Variants in NHLRC2 observed in about 807,000 individuals in gnomAD.
The protein encoded by NHLRC2 is NHL repeat containing 2.
NHLRC2 carries 33 observed loss-of-function variants against 68.1 expected under a neutral mutation model. That is an observed-to-expected ratio of 0.48 (90% CI 0.37 to 0.65). The LOEUF (loss-of-function observed/expected upper bound fraction) is 0.65. NHLRC2 is among the 30% of genes least tolerant of loss of function. NHLRC2 has a pLI of 0.00. For missense variants in NHLRC2, 761 were observed against 853.8 expected (o/e 0.89, Z 1.35); for synonymous variants, 311 against 309.6 (o/e 1.00, Z -0.05).
At chr10:113,902,421 T>A in intron 7 of NHLRC2, 50 bp from the exon 8 acceptor site, 9 of 1,254,826 alleles carry the variant, frequency 7.2e-6, no homozygotes, top group Non-Finnish European at 1.0e-5. Flanking sequence ...AACAAAACAC[T>A]GTAAAAATTA....
At position 113,912,613 on chromosome 10, in the gene NHLRC2, CA is replaced by C. The variant is rs1589551952; in HGVS notation, c.*4082del. The stretch of plus-strand genomic sequence containing the variant: ...TGCACCAGAGTACTTATATCTTAAC[CA>C]AAAAGTTTCACTTCAATGGTGGTGC... On this transcript the variant is annotated 3_prime_UTR_variant, in exon 11 of 11. Transcript: ENST00000369301. The C allele has an allele frequency of 6.6e-6, 1 of 152,146 alleles. No homozygotes were observed. Among genetic ancestry groups the C allele is most frequent in the African/African-American group, 2.4e-5 (1 of 41,440 alleles). The allele number at this position is 152,146 out of a possible 1,614,324, so 9.4% of individuals were successfully genotyped here.
intron 1 of NHLRC2, among the ~76,000 whole-genome samples, chr10:113,857,229 A>T (rs1183819260): frequency 6.6e-6 from 1 of 152,144 alleles, no homozygotes; most frequent in East Asian, 1.9e-4. Context: ...ATACCCCCTG[A>T]TCTAAGCCAC....
intron 6 of NHLRC2, among the ~76,000 whole-genome samples, chr10:113,899,765 A>G (rs1846212178): frequency 6.6e-6 from 1 of 151,944 alleles, no homozygotes. Context: ...AAAAATAGAA[A>G]AAGTTAGCTG....
intron 5 of NHLRC2, among the ~76,000 whole-genome samples, chr10:113,895,122 T>G (rs995592859): frequency 2.0e-5 from 3 of 152,240 alleles, no homozygotes; most frequent in African/African-American, 7.2e-5. Context: ...TTTGAGAGGA[T>G]AATAGTACAG....
intron 4 of NHLRC2, among the ~76,000 whole-genome samples, chr10:113,881,821 C>T (rs1451173142): frequency 6.6e-6 from 1 of 151,678 alleles, no homozygotes; most frequent in African/African-American, 2.4e-5. Context: ...CATTTCATCC[C>T]CCAAGTAAGA....
rs185904945 is a variant in NHLRC2, at chr10:113,878,117, T to C, written c.787+1141T>C. Among the ~76,000 whole-genome samples, 34 of 152,334 alleles carry C rather than the reference T, an allele frequency of 2.2e-4. No individual in the cohort carries two copies. In the East Asian group the frequency reaches 4.6e-3, roughly 21 times the overall value. ...CTTTAATTTTTAAAAAAGAATTCTT[T>C]GGTCAGATACACTCAGGAAACACTT... On this transcript the variant is annotated intron_variant, in intron 3 of 10. Coordinates refer to ENST00000369301, the MANE Select transcript of NHLRC2 (RefSeq NM_198514.4).
rs536859101 is a variant in NHLRC2 at position 113,870,188 on chromosome 10, A to G, written c.332-6333A>G. ...TGTTATTCATCTAAAGTATCGTTAG[A>G]TTTATTTTTTTCTATTTGTATTTCA... On this transcript the variant is annotated intron_variant, in intron 2 of 10. Coordinates refer to ENST00000369301, the MANE Select transcript of NHLRC2 (RefSeq NM_198514.4). 1.4e-4 allele frequency among the ~76,000 whole-genome samples: 22 copies of G among 152,096 alleles called. No individual in the cohort carries two copies. The East Asian group carries it at 4.3e-3, about 29-fold the overall frequency.
chr10:113,900,743 T>C (rs1421440062), intron 6 of NHLRC2, among the ~76,000 whole-genome samples: 2 of 152,202 alleles, frequency 1.3e-5, no homozygotes, highest in African/African-American at 4.8e-5. Context: ...TAAGTGGCCA[T>C]ATTTTATGCG....
At chr10:113,883,103 C>T (rs1251189024) in intron 4 of NHLRC2, among the ~76,000 whole-genome samples, 2 of 151,734 alleles carry the variant, frequency 1.3e-5, no homozygotes, top group Non-Finnish European at 3.0e-5. Flanking sequence ...AGTATAAGTC[C>T]TCCCACTTTC....
intron 5 of NHLRC2, among the ~76,000 whole-genome samples, chr10:113,890,672 A>G (rs1056711268): frequency 6.6e-6 from 1 of 151,322 alleles, no homozygotes; most frequent in Non-Finnish European, 1.5e-5. Context: ...CATTCTTCTT[A>G]TTTTTTCTTT....
At chr10:113,863,151 A>G (rs560254907) in intron 2 of NHLRC2, among the ~76,000 whole-genome samples, 1 of 152,338 alleles carries the variant, frequency 6.6e-6, no homozygotes, top group Non-Finnish European at 1.5e-5. Flanking sequence ...ACTCTCCCCA[A>G]CAAGATAACA....
intron 2 of NHLRC2, among the ~76,000 whole-genome samples, chr10:113,863,045 C>T (rs1845831346): frequency 6.6e-6 from 1 of 152,012 alleles, no homozygotes; most frequent in Admixed American, 6.5e-5. Context: ...CACTTAATAA[C>T]AGACAAAATA....
intron 5 of NHLRC2, among the ~76,000 whole-genome samples, chr10:113,888,321 A>G (rs1006648738): frequency 2.6e-5 from 4 of 152,212 alleles, no homozygotes; most frequent in African/African-American, 9.6e-5. Context: ...CATTTGCACC[A>G]CACAGAAAAA....
chr10:113,862,118 G>A (rs962300849), intron 2 of NHLRC2, among the ~76,000 whole-genome samples: 9 of 151,894 alleles, frequency 5.9e-5, no homozygotes, highest in South Asian at 2.1e-4. Context: ...CACATGATTC[G>A]CCCATCTCAG....
rs1846327230 is a variant in NHLRC2, at chr10:113,911,358, A to G, written c.*2822A>G. On this transcript the variant is annotated 3_prime_UTR_variant, in exon 11 of 11. Transcript: ENST00000369301. ...AGAAAACTTTGTAGTTTAATCACCCATAAGTGTAACTTTAGCAAAATTCAA... is the reference window on the plus strand; with the variant it reads ...AGAAAACTTTGTAGTTTAATCACCCGTAAGTGTAACTTTAGCAAAATTCAA... The G allele has an allele frequency of 6.6e-6, 1 of 152,142 alleles. No homozygotes were observed. The highest frequency in any genetic ancestry group is 1.5e-5 in the Non-Finnish European group (1 of 67,976). 9.4% of individuals were successfully genotyped at this position (152,142 alleles called of 1,614,324 possible). A position where few individuals can be genotyped will look rare whatever the true frequency, so the allele number is the denominator to read the frequency against.
At chr10:113,871,939 C>T (rs1185662286) in intron 2 of NHLRC2, among the ~76,000 whole-genome samples, 1 of 152,096 alleles carries the variant, frequency 6.6e-6, no homozygotes, top group Non-Finnish European at 1.5e-5. Context: ...CTGTGGATGC[C>T]AAGAACAAGT....
intron 2 of NHLRC2, among the ~76,000 whole-genome samples, chr10:113,863,902 A>T (rs981990376): frequency 2.6e-5 from 4 of 152,200 alleles, no homozygotes; most frequent in African/African-American, 9.7e-5. Flanking sequence ...ACCTACTAAG[A>T]CTAAACTATG....
At chr10:113,892,388 T>C (rs547366930) in intron 5 of NHLRC2, among the ~76,000 whole-genome samples, 3 of 152,330 alleles carry the variant, frequency 2.0e-5, no homozygotes, top group Non-Finnish European at 4.4e-5. Flanking sequence ...GTCAGTAATA[T>C]TAAGTGCACT....
At chr10:113,869,013 TTGAAAGC>T (rs778918006) in intron 2 of NHLRC2, among the ~76,000 whole-genome samples, 1 of 152,188 alleles carries the variant, frequency 6.6e-6, no homozygotes, top group Non-Finnish European at 1.5e-5. Context: ...CTAGGAACAA[TTGAAAGC>T]CAATGAAGGA....
Sources: gnomAD v4.1 joint callset for allele counts (sites outside exome capture counted in the v4.1 genomes callset) on GRCh38, gnomAD v4.1.1 for gene constraint, MANE v1.5 for transcripts, NCBI Gene and HGNC (gene_info 2026-07-23, HGNC 2026-07-21) for gene names.